DNAJC24: variants seen among roughly 807,000 people sequenced by gnomAD.
The protein encoded by DNAJC24 is DnaJ heat shock protein family (Hsp40) member C24.
A neutral mutation model predicts 18.0 loss-of-function variants in DNAJC24; 17 were observed. The observed-to-expected ratio is 0.94, with a 90% CI of 0.65 to 1.42. DNAJC24 has a LOEUF of 1.42. Ranked by LOEUF, DNAJC24 falls within the 40% of genes most tolerant of loss-of-function variation. DNAJC24 has a pLI of 0.00. For synonymous variants in DNAJC24, 55 were observed against 57.7 expected (o/e 0.95, Z 0.21); for missense variants, 158 against 175.6 (o/e 0.90, Z 0.57).
At chr11:31,381,357 T>C (rs1313734683) in intron 2 of DNAJC24, among the ~76,000 whole-genome samples, 2 of 152,140 alleles carry the variant, frequency 1.3e-5, no homozygotes, top group Non-Finnish European at 2.9e-5. Context: ...ATTAATGTTG[T>C]TGTGTCCATG....
chr11:31,405,587 C>T lies in DNAJC24; in HGVS notation c.112-9224C>T, dbSNP rs1453409218. 3.3e-5 allele frequency among the ~76,000 whole-genome samples: 5 copies of T among 152,118 alleles called. No homozygotes were observed. The East Asian group carries it at 9.7e-4, about 30-fold the overall frequency. ...CAATCTTCTGGGCTCAAGGAATCCT[C>T]CTACTTCAGCCTCCAGAGTAACTGG... On this transcript the variant is annotated intron_variant, in intron 2 of 4. Coordinates refer to ENST00000465995, the MANE Select transcript of DNAJC24 (RefSeq NM_181706.5).
chr11:31,408,956 A>G (rs187373369), intron 2 of DNAJC24, among the ~76,000 whole-genome samples: 183 of 152,284 alleles, frequency 1.2e-3, no homozygotes, highest in African/African-American at 4.1e-3. Context: ...ATTGTGACAT[A>G]TTTATGGTAT....
In DNAJC24 at chr11:31,430,251, T is replaced by G. The variant is rs1952906474; in HGVS notation, c.320-20T>G. The stretch of plus-strand genomic sequence containing the variant: ...AGTTACTTACAAGTCTTTGAAAGAT[T>G]ATTTTGTTTTCTTTTGCAGGTGATC... On this transcript the variant is annotated intron_variant, in intron 4 of 4. Coordinates refer to ENST00000465995, the MANE Select transcript of DNAJC24 (RefSeq NM_181706.5). 6.3e-7 allele frequency: 1 copy of G among 1,597,358 alleles called. No individual in the cohort carries two copies. The highest frequency in any genetic ancestry group is 2.2e-5 in the East Asian group (1 of 44,450).
intron 2 of DNAJC24, among the ~76,000 whole-genome samples, chr11:31,384,070 C>G (rs7127329): frequency 0.02 from 3,009 of 152,178 alleles, 85 homozygotes; most frequent in African/African-American, 0.068. Flanking sequence ...CTCTTTGATG[C>G]TTTTACAGTG....
In DNAJC24 at chr11:31,377,005, A is replaced by G. The variant is rs566211028; in HGVS notation, c.111+6146A>G. Among the ~76,000 whole-genome samples the G allele has an allele frequency of 3.5e-4, 53 of 152,272 alleles. 1 individual carries two copies. In the Middle Eastern group the frequency reaches 0.01, roughly 29 times the overall value. On this transcript the variant is annotated intron_variant, in intron 2 of 4. Transcript: ENST00000465995. Reference sequence around the variant, plus strand: ...TTTTTAAAAACAAAAACAGGCTTTTAAAGTTCGTATTCTTGTTTCCCAATT... The same window carrying G: ...TTTTTAAAAACAAAAACAGGCTTTTGAAGTTCGTATTCTTGTTTCCCAATT...
Position 31,380,190 on chromosome 11 carries a change from T to C in DNAJC24, c.111+9331T>C, listed in dbSNP as rs569414782. The stretch of plus-strand genomic sequence containing the variant: ...CACATAGTCTAGCTTAAAAGAATTA[T>C]AGCGTTTCAGAAACTGAAAGAATCT... On this transcript the variant is annotated intron_variant, in intron 2 of 4. Coordinates refer to ENST00000465995, the MANE Select transcript of DNAJC24 (RefSeq NM_181706.5). 5.3e-5 allele frequency among the ~76,000 whole-genome samples: 8 copies of C among 152,346 alleles called. No homozygotes were observed. The South Asian group carries it at 1.4e-3, about 28-fold the overall frequency.
chr11:31,371,528 T>G (rs963718635), intron 2 of DNAJC24, among the ~76,000 whole-genome samples: 7 of 152,178 alleles, frequency 4.6e-5, no homozygotes, highest in Admixed American at 1.3e-4. Flanking sequence ...TTCTACTATA[T>G]CCTTTAATAA....
intron 2 of DNAJC24, among the ~76,000 whole-genome samples, chr11:31,411,381 C>A (rs1249852611): frequency 6.6e-6 from 1 of 152,148 alleles, no homozygotes; most frequent in East Asian, 1.9e-4. Flanking sequence ...GTTTTAATTT[C>A]TCATAGCAGT....
At chr11:31,403,659 C>G (rs1370338334) in intron 2 of DNAJC24, among the ~76,000 whole-genome samples, 2 of 152,200 alleles carry the variant, frequency 1.3e-5, no homozygotes, top group Non-Finnish European at 2.9e-5. Context: ...AGTCAGAGTT[C>G]AGTCTCCAGT....
At chr11:31,418,815 T>C (rs1366089954) in intron 3 of DNAJC24, among the ~76,000 whole-genome samples, 3 of 152,094 alleles carry the variant, frequency 2.0e-5, no homozygotes, top group African/African-American at 7.2e-5. Flanking sequence ...CATTTCTGGT[T>C]TGTATTACAC....
In DNAJC24 at chr11:31,385,444, A is replaced by G. The variant is rs183114833; in HGVS notation, c.111+14585A>G. On this transcript the variant is annotated intron_variant, in intron 2 of 4. Transcript: ENST00000465995. ...CACAAAAGCATTTGAAGTAAATTATATATTAGATGATATCTGTTGGTTTGT... is the reference window on the plus strand; with the variant it reads ...CACAAAAGCATTTGAAGTAAATTATGTATTAGATGATATCTGTTGGTTTGT... 5.9e-5 allele frequency among the ~76,000 whole-genome samples: 9 copies of G among 152,324 alleles called. No individual in the cohort carries two copies. In the East Asian group the frequency reaches 1.3e-3, roughly 23 times the overall value.
At chr11:31,400,531 T>C (rs189372605) in intron 2 of DNAJC24, among the ~76,000 whole-genome samples, 5 of 152,242 alleles carry the variant, frequency 3.3e-5, no homozygotes, top group East Asian at 3.9e-4. Context: ...AAAACAGATA[T>C]ACAGATCAAT....
At chr11:31,384,218 C>T (rs1351269696) in intron 2 of DNAJC24, among the ~76,000 whole-genome samples, 1 of 152,216 alleles carries the variant, frequency 6.6e-6, no homozygotes, top group African/African-American at 2.4e-5. Flanking sequence ...TAAGGCACAA[C>T]TCAAAGAACT....
chr11:31,371,534 A>T (rs980542045), intron 2 of DNAJC24, among the ~76,000 whole-genome samples: 63 of 152,206 alleles, frequency 4.1e-4, no homozygotes, highest in African/African-American at 1.3e-3. Flanking sequence ...TATATCCTTT[A>T]ATAAACTTAT....
At chr11:31,399,018 C>T (rs963478237) in intron 2 of DNAJC24, among the ~76,000 whole-genome samples, 3 of 152,178 alleles carry the variant, frequency 2.0e-5, no homozygotes, top group African/African-American at 7.2e-5. Flanking sequence ...TATCAGAATT[C>T]TCTCTGTAGC....
chr11:31,429,239 A>C (rs1450962433), intron 4 of DNAJC24, among the ~76,000 whole-genome samples: 1 of 151,548 alleles, frequency 6.6e-6, no homozygotes, highest in Non-Finnish European at 1.5e-5. Context: ...AAAAAAAAAA[A>C]CACATAAAGT....
intron 2 of DNAJC24, among the ~76,000 whole-genome samples, chr11:31,391,481 G>A (rs1032729041): frequency 6.6e-6 from 1 of 152,110 alleles, no homozygotes; most frequent in African/African-American, 2.4e-5. Context: ...ATGTACAAAT[G>A]GCAAACAGGT....
At chr11:31,401,741 C>G (rs997440234) in intron 2 of DNAJC24, among the ~76,000 whole-genome samples, 1 of 152,136 alleles carries the variant, frequency 6.6e-6, no homozygotes, top group African/African-American at 2.4e-5. Flanking sequence ...AGAATGGAGG[C>G]AATCATTAGA....
intron 2 of DNAJC24, among the ~76,000 whole-genome samples, chr11:31,376,703 A>C (rs1489830052): frequency 6.6e-6 from 1 of 152,210 alleles, no homozygotes; most frequent in African/African-American, 2.4e-5. Flanking sequence ...CACACTTCTC[A>C]TAATTGCCAT....
Sources: allele counts gnomAD v4.1 joint callset (sites outside exome capture counted in the v4.1 genomes callset), GRCh38; gene constraint gnomAD v4.1.1; transcripts MANE v1.5; gene names NCBI Gene and HGNC (gene_info 2026-07-23, HGNC 2026-07-21).